Variants in CPA6 observed in about 807,000 individuals in gnomAD.
The protein encoded by CPA6 is carboxypeptidase B.
In CPA6, 58 loss-of-function variants were observed where a neutral mutation model predicts 63.3. The ratio of observed to expected loss-of-function variants is 0.92; its 90% CI spans 0.74 to 1.14. The LOEUF (loss-of-function observed/expected upper bound fraction) is 1.14, where lower values mean the gene tolerates loss of function less well. CPA6 is among the 50% of genes most tolerant of loss of function. The pLI, the probability that CPA6 is intolerant of heterozygous loss-of-function variation, is 0.00. For synonymous variants in CPA6, 185 were observed against 179.0 expected (o/e 1.03, Z -0.27); for missense variants, 565 against 526.6 (o/e 1.07, Z -0.71).
chr8:67,665,250 G>A (rs1429288087), intron 1 of CPA6, among the ~76,000 whole-genome samples: 3 of 152,168 alleles, frequency 2.0e-5, no homozygotes, highest in Non-Finnish European at 4.4e-5. Context: ...GTTCCATTAC[G>A]TTTGTCTTCT....
At chr8:67,456,108 T>C (rs377684112) in intron 8 of CPA6, among the ~76,000 whole-genome samples, 19 of 152,330 alleles carry the variant, frequency 1.2e-4, no homozygotes, top group African/African-American at 4.3e-4. Flanking sequence ...TTTTCCTCAG[T>C]ATGCTTAGAT....
intron 1 of CPA6, among the ~76,000 whole-genome samples, chr8:67,682,142 A>G (rs939723644): frequency 2.0e-5 from 3 of 151,512 alleles, no homozygotes; most frequent in Non-Finnish European, 2.9e-5. Flanking sequence ...CTTGTACTCC[A>G]GGTTTATTGA....
intron 1 of CPA6, among the ~76,000 whole-genome samples, chr8:67,624,690 C>G (rs1478238708): frequency 1.3e-5 from 2 of 152,140 alleles, no homozygotes; most frequent in Non-Finnish European, 2.9e-5. Flanking sequence ...GGGAAAGCTT[C>G]TGGTTTGAAT....
chr8:67,740,572 TTTTA>T (rs1264986156), intron 1 of CPA6, among the ~76,000 whole-genome samples: 1 of 152,126 alleles, frequency 6.6e-6, no homozygotes, highest in African/African-American at 2.4e-5. Context: ...ACCAAACTAC[TTTTA>T]TTTATTTTCT....
At chr8:67,531,810 G>A (rs1289719105) in intron 2 of CPA6, among the ~76,000 whole-genome samples, 1 of 152,086 alleles carries the variant, frequency 6.6e-6, no homozygotes, top group East Asian at 1.9e-4. Context: ...GACCCAATAC[G>A]AGGTTACAAA....
intron 2 of CPA6, among the ~76,000 whole-genome samples, chr8:67,595,837 G>A (rs1003087811): frequency 1.3e-5 from 2 of 152,162 alleles, no homozygotes; most frequent in African/African-American, 2.4e-5. Flanking sequence ...TGCACTTCCC[G>A]AGTGAGGCAA....
intron 8 of CPA6, among the ~76,000 whole-genome samples, chr8:67,482,513 T>C (rs1811381065): frequency 6.6e-6 from 1 of 152,166 alleles, no homozygotes. Flanking sequence ...TAAATGCAAG[T>C]GCTTTTAAGT....
chr8:67,458,062 A>T (rs1367647499), intron 8 of CPA6, among the ~76,000 whole-genome samples: 1 of 152,210 alleles, frequency 6.6e-6, no homozygotes, highest in African/African-American at 2.4e-5. Context: ...CAAAAAAGTG[A>T]ATCTAGACAC....
chr8:67,645,926 T>A (rs943150204), intron 1 of CPA6, among the ~76,000 whole-genome samples: 2 of 152,198 alleles, frequency 1.3e-5, no homozygotes, highest in African/African-American at 4.8e-5. Context: ...TGTTACCCAG[T>A]GTGATGCCTA....
At chr8:67,673,387 TA>T (rs1308432607) in intron 1 of CPA6, among the ~76,000 whole-genome samples, 86 of 132,198 alleles carry the variant, frequency 6.5e-4, no homozygotes, top group African/African-American at 2.8e-3. Context: ...ATTATTTATT[TA>T]TTTTTTTTTT....
At chr8:67,490,659 T>C (rs2039864068) in intron 6 of CPA6, among the ~76,000 whole-genome samples, 1 of 152,244 alleles carries the variant, frequency 6.6e-6, no homozygotes, top group Admixed American at 6.5e-5. Flanking sequence ...TGAATCTATT[T>C]GGTATTCACC....
chr8:67,592,745 A>G (rs1001004134), intron 2 of CPA6, among the ~76,000 whole-genome samples: 1 of 151,984 alleles, frequency 6.6e-6, no homozygotes, highest in African/African-American at 2.4e-5. Flanking sequence ...CCCCTTTATC[A>G]TTTTTTATTG....
intron 1 of CPA6, among the ~76,000 whole-genome samples, chr8:67,663,474 G>T (rs970854146): frequency 6.6e-6 from 1 of 151,990 alleles, no homozygotes; most frequent in Non-Finnish European, 1.5e-5. Context: ...CATCACCTAG[G>T]TATTAAGCCC....
intron 8 of CPA6, among the ~76,000 whole-genome samples, chr8:67,448,051 C>T (rs758531732): frequency 6.6e-6 from 1 of 152,218 alleles, no homozygotes; most frequent in Non-Finnish European, 1.5e-5. Context: ...TCCCAAAGTG[C>T]TGGGATTACA....
chr8:67,690,033 A>G (rs1337802438), intron 1 of CPA6, among the ~76,000 whole-genome samples: 2 of 140,928 alleles, frequency 1.4e-5, no homozygotes, highest in Non-Finnish European at 3.1e-5. Flanking sequence ...ATGAATGATA[A>G]TGAATTTTTT....
At chr8:67,636,896 T>C (rs1313091753) in intron 1 of CPA6, among the ~76,000 whole-genome samples, 1 of 151,610 alleles carries the variant, frequency 6.6e-6, no homozygotes, top group Non-Finnish European at 1.5e-5. Context: ...TTGATGCACA[T>C]GAAAAATTTC....
chr8:67,593,670 G>C (rs1345828214), intron 2 of CPA6, among the ~76,000 whole-genome samples: 1 of 151,734 alleles, frequency 6.6e-6, no homozygotes, highest in Non-Finnish European at 1.5e-5. Context: ...GATCTTTGTT[G>C]GTTTAAAGTC....
chr8:67,693,962 A>T (rs922974113), intron 1 of CPA6, among the ~76,000 whole-genome samples: 1 of 152,210 alleles, frequency 6.6e-6, no homozygotes, highest in Non-Finnish European at 1.5e-5. Context: ...AGGTCAAGGT[A>T]TCTCTTCTAA....
At chr8:67,447,553 A>ACC (rs755934131) in intron 8 of CPA6, among the ~76,000 whole-genome samples, 5 of 136,252 alleles carry the variant, frequency 3.7e-5, no homozygotes, top group Non-Finnish European at 6.0e-5. Context: ...ACACATACAC[A>ACC]TTTTAAATAG....
Sources: gnomAD v4.1 joint callset for allele counts (sites outside exome capture counted in the v4.1 genomes callset) on GRCh38, gnomAD v4.1.1 for gene constraint, MANE v1.5 for transcripts, NCBI Gene and HGNC (gene_info 2026-07-23, HGNC 2026-07-21) for gene names.